The following LRRC8C variants were observed in gnomAD, a reference collection of about 807,000 sequenced individuals.
The protein encoded by LRRC8C is volume-regulated anion channel subunit LRRC8C.
A neutral mutation model predicts 55.3 loss-of-function variants in LRRC8C; 20 were observed. The observed-to-expected ratio is 0.36, with a 90% CI of 0.25 to 0.53. The LOEUF (loss-of-function observed/expected upper bound fraction) is 0.53, where lower values mean the gene tolerates loss of function less well. Among genes scored for constraint, LRRC8C ranks in the 20% least tolerant of loss-of-function variants. The pLI, the probability that LRRC8C is intolerant of heterozygous loss-of-function variation, is 0.92. For missense variants in LRRC8C, 659 were observed against 951.4 expected (o/e 0.69, Z 4.04); for synonymous variants, 376 against 360.7 (o/e 1.04, Z -0.48).
At chr1:89,628,696 A>G (rs531060941), upstream of LRRC8C, among the ~76,000 whole-genome samples, 1 of 152,336 alleles carries the variant, frequency 6.6e-6, no homozygotes, top group African/African-American at 2.4e-5. Context: ...TCGATATAAC[A>G]TTCCTTCCTC....
chr1:89,622,863 T>TATA, the LRRC8C span, among the ~76,000 whole-genome samples: 23 of 152,216 alleles, frequency 1.5e-4, no homozygotes, highest in Admixed American at 7.8e-4. Context: ...AATGATCAGA[T>TATA]ATATTATTAT....
chr1:89,681,994 G>A (rs573430556), intron 1 of LRRC8C, among the ~76,000 whole-genome samples: 1 of 152,212 alleles, frequency 6.6e-6, no homozygotes, highest in Admixed American at 6.5e-5. Flanking sequence ...TGGCTAACAC[G>A]GTGAAACCTC....
chr1:89,700,058 C>T (rs899911746), intron 2 of LRRC8C, among the ~76,000 whole-genome samples: 3 of 152,190 alleles, frequency 2.0e-5, no homozygotes, highest in Non-Finnish European at 4.4e-5. Flanking sequence ...TGTACATTAA[C>T]TGATAACTTA....
intron 1 of LRRC8C, among the ~76,000 whole-genome samples, chr1:89,674,582 T>C (rs1196677098): frequency 6.6e-6 from 1 of 152,222 alleles, no homozygotes; most frequent in Admixed American, 6.5e-5. Context: ...CTTATCAGTT[T>C]TAATGCTCCT....
rs1658722760 is a variant in LRRC8C at position 89,713,824 on chromosome 1, A to G, written c.1254A>G (p.Leu418=). The change falls in exon 3 of 3, where the codon CTA becomes CTG. Residue 418 remains leucine, a synonymous_variant. Transcript: ENST00000370454. The surrounding 1 kb of genome is among the most constrained non-coding windows in gnomAD (Gnocchi z 5.2). ...EWTPDKLRQK[L]QTNAHNRLEL... is the part of the protein sequence containing the mutation. ...CTCCTGATAAACTGAGGCAGAAGCT[A>G]CAGACAAATGCCCATAATCGACTGG... 1 of 1,614,244 alleles carries G rather than the reference A, an allele frequency of 6.2e-7. No homozygotes were observed. Among genetic ancestry groups the G allele is most frequent in the Non-Finnish European group, 8.5e-7 (1 of 1,180,042 alleles).
At chr1:89,658,952 A>G (rs1215229954) in intron 1 of LRRC8C, among the ~76,000 whole-genome samples, 2 of 151,898 alleles carry the variant, frequency 1.3e-5, no homozygotes, top group African/African-American at 4.8e-5. Flanking sequence ...GTATCTGAGT[A>G]TGTGTATATT....
At chr1:89,696,734 C>T (rs1658186781) in intron 2 of LRRC8C, among the ~76,000 whole-genome samples, 1 of 152,098 alleles carries the variant, frequency 6.6e-6, no homozygotes, top group African/African-American at 2.4e-5. Flanking sequence ...GAAACAACCC[C>T]TTGTGACACC....
rs143988729 is a variant in LRRC8C, at chr1:89,713,569, G to C, written c.999G>C (p.Thr333=). 1 of 1,614,120 alleles carries C rather than the reference G, an allele frequency of 6.2e-7. No homozygotes were observed. The highest frequency in any genetic ancestry group is 1.3e-5 in the African/African-American group (1 of 75,034). The change falls in exon 3 of 3, where the codon ACG becomes ACC. Residue 333 remains threonine (T), a synonymous_variant. Coordinates refer to ENST00000370454, the MANE Select transcript of LRRC8C (RefSeq NM_032270.5). This position sits in a 1 kb window ranked among gnomAD's most constrained non-coding sequence, Gnocchi z 5.2. ...YLCFVSIYGL[T]CLYTLYWLFY... ...GCTTTGTTAGTATCTATGGATTGAC[G>C]TGCCTTTATACCTTATACTGGCTGT... is the stretch of plus-strand genomic sequence containing the variant.
chr1:89,633,611 G>A (rs1452799657), intron 1 of LRRC8C, among the ~76,000 whole-genome samples: 2 of 152,094 alleles, frequency 1.3e-5, no homozygotes. Context: ...GCAGCGGCAG[G>A]TCCTGCAGAC....
chr1:89,643,984 A>G (rs1656543657), intron 1 of LRRC8C, among the ~76,000 whole-genome samples: 1 of 152,238 alleles, frequency 6.6e-6, no homozygotes, highest in Admixed American at 6.5e-5. Context: ...TAAAAAAGAT[A>G]ACCTACAAAT....
chr1:89,639,692 T>G (rs1656402241), intron 1 of LRRC8C, among the ~76,000 whole-genome samples: 1 of 152,278 alleles, frequency 6.6e-6, no homozygotes, highest in African/African-American at 2.4e-5. Flanking sequence ...TCTTGTTCAC[T>G]GCCATATATC....
At chr1:89,628,843 G>T (rs1331260030), upstream of LRRC8C, among the ~76,000 whole-genome samples, 1 of 152,208 alleles carries the variant, frequency 6.6e-6, no homozygotes, top group South Asian at 2.1e-4. Context: ...TGGGGAAAAG[G>T]TTCTGGTTTA....
the LRRC8C span, among the ~76,000 whole-genome samples, chr1:89,623,069 C>A: frequency 1.3e-4 from 19 of 151,894 alleles, no homozygotes; most frequent in Non-Finnish European, 2.1e-4. Flanking sequence ...GTTAAATGCT[C>A]CTCCTTTTGG....
chr1:89,688,682 A>G (rs895529335), intron 2 of LRRC8C, among the ~76,000 whole-genome samples: 4 of 152,306 alleles, frequency 2.6e-5, no homozygotes, highest in Admixed American at 2.0e-4. Flanking sequence ...GAAGAATTGG[A>G]TTTTATGACT....
the LRRC8C span, among the ~76,000 whole-genome samples, chr1:89,622,148 A>G: frequency 1.3e-5 from 2 of 152,130 alleles, no homozygotes; most frequent in Admixed American, 1.3e-4. Context: ...AAAGGGCGTG[A>G]TAAGAGTGTG....
At chr1:89,672,185 A>G (rs1402873682) in intron 1 of LRRC8C, among the ~76,000 whole-genome samples, 6 of 152,152 alleles carry the variant, frequency 3.9e-5, no homozygotes, top group African/African-American at 1.2e-4. Flanking sequence ...TTGGCCTCCA[A>G]TTTTACCTAG....
intron 2 of LRRC8C, among the ~76,000 whole-genome samples, chr1:89,688,402 A>G (rs1289042260): frequency 6.6e-6 from 1 of 152,084 alleles, no homozygotes; most frequent in African/African-American, 2.4e-5. Flanking sequence ...AGCAAAATCA[A>G]TTAGTAAATA....
intron 1 of LRRC8C, among the ~76,000 whole-genome samples, chr1:89,663,539 C>G (rs1283250124): frequency 6.7e-6 from 1 of 148,690 alleles, no homozygotes; most frequent in Non-Finnish European, 1.5e-5. Flanking sequence ...CACTGCACTC[C>G]AGCCTGGGCG....
chr1:89,697,764 C>T (rs1477631914), intron 2 of LRRC8C, among the ~76,000 whole-genome samples: 5 of 152,040 alleles, frequency 3.3e-5, no homozygotes, highest in Non-Finnish European at 2.9e-5. Context: ...TCAAATCTCA[C>T]CCACCCCCTT....
Sources: gnomAD v4.1 joint callset for allele counts (sites outside exome capture counted in the v4.1 genomes callset) on GRCh38, gnomAD v4.1.1 for gene constraint, Gnocchi (gnomAD v3.1) non-coding constraint, MANE v1.5 for transcripts, NCBI Gene and HGNC (gene_info 2026-07-23, HGNC 2026-07-21) for gene names.